The following GSG1L2 variants were observed in gnomAD, a reference collection of about 807,000 sequenced individuals.
GSG1L2 encodes the protein germ cell-specific gene 1-like protein 2.
In GSG1L2, 15 loss-of-function variants were observed where a neutral mutation model predicts 9.0. That is an observed-to-expected ratio of 1.67 (90% CI 1.12 to 2.57). The LOEUF (loss-of-function observed/expected upper bound fraction) is 2.57, where lower values mean the gene tolerates loss of function less well. Among genes scored for constraint, GSG1L2 ranks in the 30% most tolerant of loss-of-function variants. The probability of loss-of-function intolerance (pLI) is 0.00; values close to 1 mark genes in which losing one functional copy is unlikely to be tolerated. For missense variants in GSG1L2, 286 were observed against 150.3 expected, an observed-to-expected ratio of 1.90 and a Z score of -4.72; for synonymous variants, 127 against 57.9, an observed-to-expected ratio of 2.19 and a Z score of -5.41.
intron 1 of GSG1L2, among the ~76,000 whole-genome samples, chr17:9,813,752 A>T (rs1325353368): frequency 6.6e-6 from 1 of 152,194 alleles, no homozygotes; most frequent in African/African-American, 2.4e-5. Context: ...GCAGATGGAT[A>T]CCATGGGCAA....
intron 1 of GSG1L2, among the ~76,000 whole-genome samples, chr17:9,813,821 C>T (rs2152023900): frequency 6.6e-6 from 1 of 152,376 alleles, no homozygotes; most frequent in African/African-American, 2.4e-5. Flanking sequence ...CACGGTCAGT[C>T]ACCATCGCAA....
intron 3 of GSG1L2, 39 bp from the exon 4 acceptor site, chr17:9,807,640 C>T (rs1328610382): frequency 1.4e-6 from 1 of 702,874 alleles, no homozygotes; most frequent in Non-Finnish European, 2.6e-6. Context: ...GCTAAGAAGA[C>T]ACATGATGGA....
chr17:9,809,946 A>T lies in GSG1L2; in HGVS notation c.358+625T>A, dbSNP rs1285261261. 3 of 152,594 alleles carry T rather than the reference A, an allele frequency of 2.0e-5. 1 individual carries two copies. The highest frequency in any genetic ancestry group is 7.2e-5 in the African/African-American group (3 of 41,464). 9.5% of individuals were successfully genotyped at this position (152,594 alleles called of 1,614,324 possible). On this transcript the variant is annotated intron_variant, in intron 2 of 4. Coordinates refer to ENST00000399363, the MANE Select transcript of GSG1L2 (RefSeq NM_001310219.2). Reference sequence around the variant, plus strand: ...CCAAAACCTCATTTGTTTCTGTGGAAGCCACTTGTTTACTTCCTGGAGAGG... The same window carrying T: ...CCAAAACCTCATTTGTTTCTGTGGATGCCACTTGTTTACTTCCTGGAGAGG...
In GSG1L2 at chr17:9,822,036, G is replaced by A; in HGVS notation, c.36C>T (p.Leu12=). Residue 12 remains leucine, a synonymous_variant, in exon 1 of 5, where the codon CTC becomes CTT. Coordinates refer to ENST00000399363, the MANE Select transcript of GSG1L2 (RefSeq NM_001310219.2). The part of the protein sequence containing the change: ...DRAKQQQALL[L]LPVCLALTFS... Reference sequence around the variant, plus strand: ...AGGTGAGGGCGAGGCAGACAGGGAGGAGGAGCAGCGCCTGCTGCTGCTTGG... The same window carrying A: ...AGGTGAGGGCGAGGCAGACAGGGAGAAGGAGCAGCGCCTGCTGCTGCTTGG... 2 of 702,352 alleles carry A rather than the reference G, an allele frequency of 2.8e-6. No homozygotes were observed. The highest frequency in any genetic ancestry group is 5.2e-6 in the Non-Finnish European group (2 of 384,936). 43.5% of individuals were successfully genotyped at this position (702,352 alleles called of 1,614,324 possible). A position where few individuals can be genotyped will look rare whatever the true frequency, so the allele number is the denominator to read the frequency against.
chr17:9,811,979 G>GTCA (rs772983572), intron 1 of GSG1L2, among the ~76,000 whole-genome samples: 1 of 151,624 alleles, frequency 6.6e-6, no homozygotes, highest in African/African-American at 2.4e-5. Flanking sequence ...CCAACCAATA[G>GTCA]TCACTTATCA....
At position 9,820,568 on chromosome 17, in the gene GSG1L2, A is replaced by G. The variant is rs2066585011; in HGVS notation, c.310+1194T>C. Among the ~76,000 whole-genome samples, 2 of 152,114 alleles carry G rather than the reference A, an allele frequency of 1.3e-5. No homozygotes were observed. The highest frequency in any genetic ancestry group is 6.6e-5 in the Admixed American group (1 of 15,258). ...AAGACACAGGCACTGGCCTGGATAC[A>G]TGGGAGGTTCAGTCAGGCTGGGTAC... On this transcript the variant is annotated intron_variant, in intron 1 of 4. Transcript: ENST00000399363. The surrounding 1 kb of genome is among the most constrained non-coding windows in gnomAD (Gnocchi z 4.9).
chr17:9,802,580 C>T lies in GSG1L2; in HGVS notation c.688G>A (p.Ala230Thr), dbSNP rs866927360. ...TTCTCGGTGAATTCCAGGCGGGCTG[C>T]CGTGAACCTGCTCATGGCCGAGACC... Reference protein sequence around the residue: ...VSVSAMSRFTAARLEFTEKQQ... With the variant: ...VSVSAMSRFTTARLEFTEKQQ... Residue 230 changes from alanine (A) to threonine (T), a missense_variant, in exon 5 of 5, where the codon GCA becomes ACA. Transcript: ENST00000399363. 1.1e-5 allele frequency: 8 copies of T among 702,238 alleles called. No homozygotes were observed. Among genetic ancestry groups the T allele is most frequent in the Admixed American group, 6.0e-5 (3 of 49,920 alleles). The allele number at this position is 702,238 out of a possible 1,614,324, so 43.5% of individuals were successfully genotyped here.
chr17:9,810,410 A>G (rs1348939196), intron 2 of GSG1L2, 161 bp downstream of exon 2: 8 of 615,928 alleles, frequency 1.3e-5, no homozygotes, highest in Non-Finnish European at 2.0e-5. Flanking sequence ...ACCACTGGCT[A>G]TAGGGCACAG....
intron 1 of GSG1L2, among the ~76,000 whole-genome samples, chr17:9,818,881 C>A (rs770596262): frequency 6.6e-6 from 1 of 152,140 alleles, no homozygotes; most frequent in Non-Finnish European, 1.5e-5. Flanking sequence ...TGTCCTTGTT[C>A]GTTTGTACCT....
intron 1 of GSG1L2, among the ~76,000 whole-genome samples, chr17:9,814,360 C>G (rs944311221): frequency 1.4e-4 from 21 of 152,164 alleles, no homozygotes; most frequent in Non-Finnish European, 2.2e-4. Context: ...AGTTTCTCAC[C>G]TAAGACTCAG....
At chr17:9,809,231 A>C (rs1334920974) in intron 2 of GSG1L2, 2 of 471,104 alleles carry the variant, frequency 4.2e-6, no homozygotes, top group East Asian at 4.1e-5. Context: ...ACTAAGCAAA[A>C]CCCTGCTGTG....
chr17:9,809,161 G>A (rs2066528443), intron 2 of GSG1L2, 179 bp from the exon 3 acceptor site: 1 of 581,056 alleles, frequency 1.7e-6, no homozygotes, highest in Non-Finnish European at 3.1e-6. Context: ...CCTCAGGGCT[G>A]AAAGAGACGG....
chr17:9,801,445 A>G lies in GSG1L2; in HGVS notation c.*941T>C, dbSNP rs1156505610. 6.6e-6 allele frequency among the ~76,000 whole-genome samples: 1 copy of G among 151,642 alleles called. No individual in the cohort carries two copies. Among genetic ancestry groups the G allele is most frequent in the Non-Finnish European group, 1.5e-5 (1 of 67,956 alleles). The stretch of plus-strand genomic sequence containing the variant: ...TGGCCAGGCTGGTCTCGAACTCCTG[A>G]CCTCAAGTGATCTGTCTACCTCGGC... On this transcript the variant is annotated 3_prime_UTR_variant, in exon 5 of 5. Transcript: ENST00000399363.
At position 9,820,330 on chromosome 17, in the gene GSG1L2, A is replaced by G. The variant is rs544676748; in HGVS notation, c.310+1432T>C. Among the ~76,000 whole-genome samples the G allele has an allele frequency of 1.3e-3, 196 of 152,314 alleles. 1 individual carries two copies. Among genetic ancestry groups the G allele is most frequent in the Non-Finnish European group, 2.1e-3 (144 of 68,024 alleles). On this transcript the variant is annotated intron_variant, in intron 1 of 4. Coordinates refer to ENST00000399363, the MANE Select transcript of GSG1L2 (RefSeq NM_001310219.2). This position sits in a 1 kb window ranked among gnomAD's most constrained non-coding sequence, Gnocchi z 4.9. ...ATGGAATTTCCCAAGTGATTTGCCTATAAGTATGGTGAATACAGTTTCCAA... is the reference window on the plus strand; with the variant it reads ...ATGGAATTTCCCAAGTGATTTGCCTGTAAGTATGGTGAATACAGTTTCCAA...
intron 1 of GSG1L2, among the ~76,000 whole-genome samples, chr17:9,812,934 G>A (rs1250049991): frequency 6.6e-6 from 1 of 152,168 alleles, no homozygotes; most frequent in Non-Finnish European, 1.5e-5. Flanking sequence ...ACCTCGCACG[G>A]CAGAAAGAGA....
chr17:9,820,499 T>G lies in GSG1L2; in HGVS notation c.310+1263A>C, dbSNP rs8082691. Among the ~76,000 whole-genome samples, 5 of 152,002 alleles carry G rather than the reference T, an allele frequency of 3.3e-5. No homozygotes were observed. The East Asian group carries it at 5.8e-4, about 18-fold the overall frequency. ...GAACTGTGGAGGTCCTAAATAGCCT[T>G]AGCTCCAGGCACTATTGCAGTGTCT... On this transcript the variant is annotated intron_variant, in intron 1 of 4. Transcript: ENST00000399363. This position sits in a 1 kb window ranked among gnomAD's most constrained non-coding sequence, Gnocchi z 4.9.
At chr17:9,804,359 GA>G (rs2066509535) in intron 4 of GSG1L2, 1 of 152,282 alleles carries the variant, frequency 6.6e-6, no homozygotes, top group South Asian at 2.1e-4. Context: ...CTTTCCCCCA[GA>G]AAAGCAAAGT....
intron 2 of GSG1L2, chr17:9,810,259 A>G (rs144632904): frequency 6.4e-5 from 28 of 439,522 alleles, no homozygotes; most frequent in African/African-American, 5.5e-4. Flanking sequence ...CTCTGTGTTC[A>G]TCTTGCAACT....
chr17:9,805,355 T>A (rs997247728), intron 4 of GSG1L2: 3 of 151,564 alleles, frequency 2.0e-5, no homozygotes, highest in Admixed American at 1.3e-4. Context: ...TTCAGAACAT[T>A]GGTCATAAAG....
Sources: allele counts gnomAD v4.1 joint callset (sites outside exome capture counted in the v4.1 genomes callset), GRCh38; gene constraint gnomAD v4.1.1; non-coding constraint Gnocchi (gnomAD v3.1); transcripts MANE v1.5; gene names NCBI Gene and HGNC (gene_info 2026-07-23, HGNC 2026-07-21).